PFKFB3: variants seen among roughly 807,000 people sequenced by gnomAD.
PFKFB3 encodes 6-phosphofructo-2-kinase/fructose-2,6-biphosphatase 3, also known as 6-phosphofructo-2-kinase/fructose-2,6-bisphosphatase 3.
PFKFB3 carries 33 observed loss-of-function variants against 68.0 expected under a neutral mutation model. That is an observed-to-expected ratio of 0.49 (90% CI 0.37 to 0.65). PFKFB3 has a LOEUF of 0.65. Ranked by LOEUF, PFKFB3 falls within the 30% of genes least tolerant of loss-of-function variation. The probability of loss-of-function intolerance (pLI) is 0.00; values close to 1 mark genes in which losing one functional copy is unlikely to be tolerated. For missense variants in PFKFB3, 586 were observed against 712.2 expected, an observed-to-expected ratio of 0.82 and a Z score of 2.02; for synonymous variants, 315 against 288.2, an observed-to-expected ratio of 1.09 and a Z score of -0.94.
intron 1 of PFKFB3, among the ~76,000 whole-genome samples, chr10:6,181,662 G>T (rs546405617): frequency 1.1e-4 from 17 of 152,220 alleles, no homozygotes; most frequent in African/African-American, 3.9e-4. Context: ...GCAGGGTGTG[G>T]TGGGACACAT....
At position 6,146,478 on chromosome 10, in the gene PFKFB3, G is replaced by A; in HGVS notation, c.16+1465G>A. 10 of 1,535,558 alleles carry A rather than the reference G, an allele frequency of 6.5e-6. No individual in the cohort carries two copies. In the East Asian group the frequency reaches 1.7e-4, roughly 26 times the overall value. ...GTTTAGTCCCAAGGCCACTGTCTTC[G>A]GTGTCTCCATTAATCCAGGTATGAT... On this transcript the variant is annotated intron_variant, in intron 1 of 14. Coordinates refer to the PFKFB3 transcript ENST00000379789.
intron 1 of PFKFB3, among the ~76,000 whole-genome samples, chr10:6,155,983 C>T (rs1200684979): frequency 6.6e-6 from 1 of 152,112 alleles, no homozygotes; most frequent in Non-Finnish European, 1.5e-5. Flanking sequence ...GAACATCCTA[C>T]CCAATAGGCA....
Position 6,215,264 on chromosome 10 carries a change from C to T in PFKFB3, c.246C>T (p.Tyr82=). 1 of 1,614,030 alleles carries T rather than the reference C, an allele frequency of 6.2e-7. No homozygotes were observed. The highest frequency in any genetic ancestry group is 1.1e-5 in the South Asian group (1 of 91,070). The part of the protein sequence containing the change: ...GEYRREAVKQ[Y]SSYNFFRPDN... ...ATCGCCGGGAGGCTGTGAAGCAGTA[C>T]AGCTCCTACAACTTCTTCCGCCCCG... is the stretch of plus-strand genomic sequence containing the variant. The change falls in exon 3 of 15, where the codon TAC becomes TAT. Residue 82 remains tyrosine, a synonymous_variant. Coordinates refer to ENST00000379775, the MANE Select transcript of PFKFB3 (RefSeq NM_004566.4). The surrounding 1 kb of genome is among the most constrained non-coding windows in gnomAD (Gnocchi z 4.3).
chr10:6,274,047 A>G, the PFKFB3 span, among the ~76,000 whole-genome samples: 7 of 152,076 alleles, frequency 4.6e-5, no homozygotes, highest in African/African-American at 1.7e-4. Flanking sequence ...TCTACAAAAA[A>G]TAAAATAGCT....
intron 1 of PFKFB3, among the ~76,000 whole-genome samples, chr10:6,176,995 T>C (rs972995757): frequency 4.6e-5 from 7 of 152,212 alleles, no homozygotes; most frequent in Non-Finnish European, 1.0e-4. Flanking sequence ...TGGCAGTGCC[T>C]GACTTCCCGC....
At chr10:6,182,716 T>G (rs948919284) in intron 1 of PFKFB3, among the ~76,000 whole-genome samples, 1 of 152,132 alleles carries the variant, frequency 6.6e-6, no homozygotes, top group African/African-American at 2.4e-5. Flanking sequence ...AGCCTGGGTG[T>G]GGGGGCAGGG....
Position 6,154,732 on chromosome 10 carries a change from C to T in PFKFB3, c.16+9719C>T, listed in dbSNP as rs891129111. On this transcript the variant is annotated intron_variant, in intron 1 of 14. Coordinates refer to the PFKFB3 transcript ENST00000379789. The surrounding 1 kb of genome is among the most constrained non-coding windows in gnomAD (Gnocchi z 4.6). ...GAATATATTTAGGAGGCAGAGGCGG[C>T]GGGATTTGATGGATTTGCTGTGGGG... Among the ~76,000 whole-genome samples the T allele has an allele frequency of 3.3e-5, 5 of 152,056 alleles. No homozygotes were observed. Among genetic ancestry groups the T allele is most frequent in the Non-Finnish European group, 5.9e-5 (4 of 68,006 alleles).
At chr10:6,225,733 A>G (rs144479980) in intron 13 of PFKFB3, among the ~76,000 whole-genome samples, 1 of 128,962 alleles carries the variant, frequency 7.8e-6, no homozygotes, top group Non-Finnish European at 1.7e-5. Flanking sequence ...TGTAGTAGAG[A>G]TGGCTCTTCA....
Position 6,203,168 on chromosome 10 carries a change from C to G in PFKFB3, c.-93C>G, listed in dbSNP as rs1054286873. 6 of 1,535,332 alleles carry G rather than the reference C, an allele frequency of 3.9e-6. No individual in the cohort carries two copies. The Admixed American group carries it at 8.2e-5, about 21-fold the overall frequency. ...CGGCCGCGCGCCGGCGCACGCCCCC[C>G]TCTCCTCCTTTGTTCCGGGGGTCGG... On this transcript the variant is annotated 5_prime_UTR_variant, in exon 1 of 15. Transcript: ENST00000379775.
chr10:6,213,870 T>G, intron 2 of PFKFB3, 122 bp downstream of exon 2: 1 of 1,020,960 alleles, frequency 9.8e-7, no homozygotes, highest in Non-Finnish European at 1.4e-6. Flanking sequence ...GGGAGTCTGA[T>G]CCTGCCTCCC....
chr10:6,289,065 C>T, the PFKFB3 span, among the ~76,000 whole-genome samples: 28 of 150,966 alleles, frequency 1.9e-4, no homozygotes, highest in African/African-American at 6.1e-4. Context: ...GTTTTTTTCT[C>T]GTAAATTTGT....
chr10:6,293,636 A>T, the PFKFB3 span: 1 of 244,230 alleles, frequency 4.1e-6, no homozygotes, highest in East Asian at 1.1e-4. Context: ...GTGAGCCACG[A>T]CGTCCGGTCT....
Position 6,221,762 on chromosome 10 carries a change from G to T in PFKFB3, c.1083+17G>T. Reference sequence around the variant, plus strand: ...ACCGGGGAGGTGAGCGCAGGCTGGGGCGGGCTGACGGTCCCCAGCACACAT... The same window carrying T: ...ACCGGGGAGGTGAGCGCAGGCTGGGTCGGGCTGACGGTCCCCAGCACACAT... On this transcript the variant is annotated intron_variant, in intron 10 of 14. Transcript: ENST00000379775. The T allele has an allele frequency of 6.5e-7, 1 of 1,538,402 alleles. No homozygotes were observed.
At chr10:6,292,265 A>ACTTTTTTTTTTT in the PFKFB3 span, among the ~76,000 whole-genome samples, 1 of 121,920 alleles carries the variant, frequency 8.2e-6, no homozygotes, top group Admixed American at 9.4e-5. Flanking sequence ...AAACCAGTGT[A>ACTTTTTTTTTTT]CTTTTTTTTT....
At chr10:6,209,279 C>T (rs569286658) in intron 1 of PFKFB3, among the ~76,000 whole-genome samples, 1 of 152,254 alleles carries the variant, frequency 6.6e-6, no homozygotes, top group East Asian at 1.9e-4. Context: ...TTGTTCCTTC[C>T]CCTGTAACCC....
At chr10:6,294,067 G>T in the PFKFB3 span, 70 of 504,026 alleles carry the variant, frequency 1.4e-4, no homozygotes, top group South Asian at 1.0e-3. Flanking sequence ...GTACTGGAAG[G>T]TCTTGCTACC....
upstream of PFKFB3, among the ~76,000 whole-genome samples, chr10:6,201,120 T>C (rs1843333639): frequency 6.6e-6 from 1 of 151,596 alleles, no homozygotes; most frequent in Non-Finnish European, 1.5e-5. This position sits in a 1 kb window ranked among gnomAD's most constrained non-coding sequence, Gnocchi z 4.1. Flanking sequence ...GTGCAGCCGC[T>C]CTCCCCGCGC....
At chr10:6,164,258 C>A (rs117216814) in intron 1 of PFKFB3, among the ~76,000 whole-genome samples, 1 of 152,142 alleles carries the variant, frequency 6.6e-6, no homozygotes, top group Non-Finnish European at 1.5e-5. Context: ...GCTCCTAGCC[C>A]CCAGTGTGGG....
chr10:6,199,306 T>C (rs1285978740), upstream of PFKFB3, among the ~76,000 whole-genome samples: 1 of 152,134 alleles, frequency 6.6e-6, no homozygotes, highest in Non-Finnish European at 1.5e-5. Context: ...GGAAATGCGG[T>C]TGCTTGTGTT....
Sources: gnomAD v4.1 joint callset for allele counts (sites outside exome capture counted in the v4.1 genomes callset) on GRCh38, gnomAD v4.1.1 for gene constraint, Gnocchi (gnomAD v3.1) non-coding constraint, MANE v1.5 for transcripts, NCBI Gene and HGNC (gene_info 2026-07-23, HGNC 2026-07-21) for gene names.